The following CCNY variants were observed in gnomAD, a reference collection of about 807,000 sequenced individuals.
CCNY encodes cyclin Y, also known as cyclin-Y.
CCNY carries 19 observed loss-of-function variants against 42.8 expected under a neutral mutation model. The ratio of observed to expected loss-of-function variants is 0.44; its 90% CI spans 0.31 to 0.65. The LOEUF is 0.65. Among genes scored for constraint, CCNY ranks in the 30% least tolerant of loss-of-function variants. The pLI, the probability that CCNY is intolerant of heterozygous loss-of-function variation, is 0.07. For missense variants in CCNY, 370 were observed against 437.3 expected, an observed-to-expected ratio of 0.85 and a Z score of 1.37; for synonymous variants, 165 against 162.7, an observed-to-expected ratio of 1.01 and a Z score of -0.11.
intron 3 of CCNY, among the ~76,000 whole-genome samples, chr10:35,252,246 A>G (rs1357258623): frequency 1.3e-5 from 2 of 152,150 alleles, no homozygotes; most frequent in African/African-American, 4.8e-5. Context: ...GCTCCTCAAC[A>G]GCACAGTTAA....
Position 35,530,331 on chromosome 10 carries a change from G to C in CCNY, c.579+88G>C. On this transcript the variant is annotated intron_variant, in intron 7 of 9. Transcript: ENST00000374704. The surrounding 1 kb of genome is among the most constrained non-coding windows in gnomAD (Gnocchi z 4.3). ...TACTCAGCGGAGTGAGGTTGGAGCA[G>C]GGAATCCTCACCAGGTTACCCTGTG... is the stretch of plus-strand genomic sequence containing the variant. 1 of 1,541,408 alleles carries C rather than the reference G, an allele frequency of 6.5e-7. No individual in the cohort carries two copies. Among genetic ancestry groups the C allele is most frequent in the Non-Finnish European group, 8.9e-7 (1 of 1,128,682 alleles).
chr10:35,286,145 C>T (rs1835352570), intron 3 of CCNY, among the ~76,000 whole-genome samples: 1 of 151,994 alleles, frequency 6.6e-6, no homozygotes, highest in African/African-American at 2.4e-5. Context: ...TACTTGTTTT[C>T]TGTTTGTTCC....
chr10:35,268,073 C>T (rs920228958), intron 3 of CCNY, among the ~76,000 whole-genome samples: 2 of 152,156 alleles, frequency 1.3e-5, no homozygotes, highest in African/African-American at 4.8e-5. Context: ...TATAAGCATG[C>T]GCCACTACAC....
At chr10:35,325,253 A>G (rs1835865806) in intron 3 of CCNY, among the ~76,000 whole-genome samples, 1 of 152,184 alleles carries the variant, frequency 6.6e-6, no homozygotes, top group African/African-American at 2.4e-5. Context: ...ATCTCGGCTC[A>G]CTGCAACCTC....
chr10:35,281,107 G>T (rs1254954006), intron 3 of CCNY, among the ~76,000 whole-genome samples: 2 of 152,120 alleles, frequency 1.3e-5, no homozygotes, highest in Non-Finnish European at 2.9e-5. Flanking sequence ...GAGGGAGAAT[G>T]TGGAGAAATT....
chr10:35,353,376 AT>A (rs1836469058), intron 1 of CCNY, among the ~76,000 whole-genome samples: 1 of 152,228 alleles, frequency 6.6e-6, no homozygotes, highest in African/African-American at 2.4e-5. Flanking sequence ...TTTCATGTAT[AT>A]TTTTATATAC....
At chr10:35,552,485 C>T (rs1420744684) in intron 7 of CCNY, among the ~76,000 whole-genome samples, 1 of 152,162 alleles carries the variant, frequency 6.6e-6, no homozygotes, top group Non-Finnish European at 1.5e-5. Context: ...AACCACCACA[C>T]TGCAGAAACA....
At chr10:35,376,844 G>A (rs1159797869) in intron 1 of CCNY, among the ~76,000 whole-genome samples, 2 of 152,204 alleles carry the variant, frequency 1.3e-5, no homozygotes, top group Non-Finnish European at 2.9e-5. Context: ...GTCCAGAACA[G>A]GGAAATCTAA....
At chr10:35,378,767 GT>G (rs1391631151) in intron 1 of CCNY, among the ~76,000 whole-genome samples, 1 of 152,142 alleles carries the variant, frequency 6.6e-6, no homozygotes, top group African/African-American at 2.4e-5. Flanking sequence ...AGGGTGTACT[GT>G]TACACTTCTT....
chr10:35,291,521 C>T (rs545706137), intron 3 of CCNY, among the ~76,000 whole-genome samples: 2 of 146,288 alleles, frequency 1.4e-5, no homozygotes, highest in East Asian at 2.0e-4. Context: ...CATTTGTGTA[C>T]GACTTCCTTT....
intron 7 of CCNY, among the ~76,000 whole-genome samples, chr10:35,532,342 G>A (rs915299634): frequency 6.6e-6 from 1 of 152,188 alleles, no homozygotes; most frequent in Non-Finnish European, 1.5e-5. Context: ...GCATGTGTTT[G>A]GCATCTTGGC....
intron 8 of CCNY, among the ~76,000 whole-genome samples, chr10:35,558,249 G>A (rs1292541129): frequency 6.6e-6 from 1 of 152,218 alleles, no homozygotes; most frequent in Non-Finnish European, 1.5e-5. Context: ...AAGGGCAGGT[G>A]AGCAGCCTGC....
intron 1 of CCNY, among the ~76,000 whole-genome samples, chr10:35,404,713 T>C (rs1240129260): frequency 2.0e-5 from 3 of 150,640 alleles, no homozygotes; most frequent in African/African-American, 7.3e-5. Flanking sequence ...AGGAAAGGAG[T>C]TGTTGTTTTG....
intron 1 of CCNY, among the ~76,000 whole-genome samples, chr10:35,348,618 G>T (rs2135133076): frequency 6.6e-6 from 1 of 152,358 alleles, no homozygotes; most frequent in South Asian, 2.1e-4. Context: ...AGGGTGGGAT[G>T]AGTCAGGGAG....
chr10:35,395,067 G>A (rs1025083765), intron 1 of CCNY, among the ~76,000 whole-genome samples: 3 of 135,030 alleles, frequency 2.2e-5, no homozygotes, highest in African/African-American at 5.6e-5. Flanking sequence ...CTTTAATAAA[G>A]TAATAGTTCT....
chr10:35,545,420 C>A (rs1841092002), intron 7 of CCNY, among the ~76,000 whole-genome samples: 1 of 152,238 alleles, frequency 6.6e-6, no homozygotes, highest in Admixed American at 6.5e-5. Flanking sequence ...AGGGAAGGTT[C>A]TGCTCCAGGC....
chr10:35,472,015 T>G (rs1267878457), intron 1 of CCNY, among the ~76,000 whole-genome samples: 3 of 152,224 alleles, frequency 2.0e-5, no homozygotes, highest in Non-Finnish European at 4.4e-5. Flanking sequence ...TGTAATGAAA[T>G]TTAACAATCT....
rs141693741 is a variant in CCNY, at chr10:35,392,475, T to G, written c.154+55268T>G. The stretch of plus-strand genomic sequence containing the variant: ...CAGAGAGAATGTCCCGTGGACTCAT[T>G]GAGGATGAGGAGGTCCAGTCCTGCT... On this transcript the variant is annotated intron_variant, in intron 1 of 9. Coordinates refer to ENST00000374704, the MANE Select transcript of CCNY (RefSeq NM_145012.6). Among the ~76,000 whole-genome samples, 1,212 of 152,342 alleles carry G rather than the reference T, an allele frequency of 8.0e-3. 8 individuals carry two copies. Among genetic ancestry groups the G allele is most frequent in the African/African-American group, 0.022 (915 of 41,582 alleles).
intron 1 of CCNY, among the ~76,000 whole-genome samples, chr10:35,340,750 C>T (rs532524635): frequency 5.1e-4 from 77 of 152,184 alleles, no homozygotes; most frequent in African/African-American, 1.8e-3. Context: ...GTGATCTGCC[C>T]GCCTCAGTCT....
Sources: gnomAD v4.1 joint callset for allele counts (sites outside exome capture counted in the v4.1 genomes callset) on GRCh38, gnomAD v4.1.1 for gene constraint, Gnocchi (gnomAD v3.1) non-coding constraint, MANE v1.5 for transcripts, NCBI Gene and HGNC (gene_info 2026-07-23, HGNC 2026-07-21) for gene names.